Variants in LCMT1 observed in about 807,000 individuals in gnomAD.
The protein encoded by LCMT1 is leucine carboxyl methyltransferase 1, also known as [Phosphatase 2A protein]-leucine-carboxy methyltransferase 1.
In LCMT1, 32 loss-of-function variants were observed where a neutral mutation model predicts 47.7. The ratio of observed to expected loss-of-function variants is 0.67; its 90% CI spans 0.51 to 0.90. The LOEUF is 0.90. Among genes scored for constraint, LCMT1 ranks in the 40% least tolerant of loss-of-function variants. The pLI, the probability that LCMT1 is intolerant of heterozygous loss-of-function variation, is 0.00. For missense variants in LCMT1, 375 were observed against 415.2 expected, an observed-to-expected ratio of 0.90 and a Z score of 0.84; for synonymous variants, 152 against 149.7, an observed-to-expected ratio of 1.02 and a Z score of -0.11.
At position 25,123,668 on chromosome 16, in the gene LCMT1, C is replaced by T. The variant is rs189220250; in HGVS notation, c.114-4807C>T. On this transcript the variant is annotated intron_variant, in intron 1 of 10. Coordinates refer to ENST00000399069, the MANE Select transcript of LCMT1 (RefSeq NM_016309.3). ...TGTCACCCAGGCTGGAGTGCAGTGG[C>T]GCAATCTTGGCTCACCACAACCTCT... Among the ~76,000 whole-genome samples, 731 of 123,324 alleles carry T rather than the reference C, an allele frequency of 5.9e-3. 10 individuals are homozygous for T. The highest frequency in any genetic ancestry group is 0.022 in the African/African-American group (672 of 30,906). 80.9% of individuals were successfully genotyped at this position (123,324 alleles called of 152,430 possible).
intron 5 of LCMT1, among the ~76,000 whole-genome samples, chr16:25,159,105 T>C (rs1054112527): frequency 3.3e-5 from 5 of 152,246 alleles, no homozygotes; most frequent in Admixed American, 3.3e-4. Context: ...AACTACATGG[T>C]ACTAGACTTC....
intron 2 of LCMT1, among the ~76,000 whole-genome samples, chr16:25,130,111 C>T (rs897474639): frequency 3.3e-5 from 5 of 152,040 alleles, no homozygotes; most frequent in Non-Finnish European, 5.9e-5. Flanking sequence ...GAGGCCGAGG[C>T]GGGCGGACCA....
Position 25,111,828 on chromosome 16 carries a change from C to G in LCMT1, c.-56C>G, listed in dbSNP as rs556576240. 5 of 1,224,562 alleles carry G rather than the reference C, an allele frequency of 4.1e-6. No individual in the cohort carries two copies. The highest frequency in any genetic ancestry group is 3.5e-6 in the Non-Finnish European group (3 of 846,608). The allele number at this position is 1,224,562 out of a possible 1,614,324, so 75.9% of individuals were successfully genotyped here. On this transcript the variant is annotated 5_prime_UTR_variant, in exon 1 of 11. Coordinates refer to ENST00000399069, the MANE Select transcript of LCMT1 (RefSeq NM_016309.3). ...GTGGCTCGCGCCGTCCCCCGCCGCC[C>G]GTCGACCCCGCTTCCATGTCCCTGG...
At chr16:25,149,233 T>C (rs1227821454) in intron 4 of LCMT1, among the ~76,000 whole-genome samples, 1 of 152,124 alleles carries the variant, frequency 6.6e-6, no homozygotes. Flanking sequence ...AACATGAGAT[T>C]CTTTTGTGAC....
At chr16:25,132,943 G>C (rs971081131) in intron 3 of LCMT1, among the ~76,000 whole-genome samples, 1 of 149,514 alleles carries the variant, frequency 6.7e-6, no homozygotes, top group Admixed American at 6.7e-5. Context: ...TTACAGCCTC[G>C]AACTGCTGGG....
chr16:25,138,615 G>T (rs944900466), intron 3 of LCMT1, among the ~76,000 whole-genome samples: 10 of 152,152 alleles, frequency 6.6e-5, no homozygotes, highest in African/African-American at 2.4e-4. Flanking sequence ...TCCTGAGCCA[G>T]GGCCCCCATC....
In LCMT1 at chr16:25,169,231, G is replaced by A; in HGVS notation, c.792+18G>A. 6.6e-7 allele frequency: 1 copy of A among 1,515,262 alleles called. No homozygotes were observed. Among genetic ancestry groups the A allele is most frequent in the Non-Finnish European group, 9.2e-7 (1 of 1,090,442 alleles). 93.9% of individuals were successfully genotyped at this position (1,515,262 alleles called of 1,614,324 possible). A position where few individuals can be genotyped will look rare whatever the true frequency, so the allele number is the denominator to read the frequency against. On this transcript the variant is annotated intron_variant, in intron 8 of 10. Coordinates refer to ENST00000399069, the MANE Select transcript of LCMT1 (RefSeq NM_016309.3). ...AGTCACAGGTCAGAGAGCAGGGACT[G>A]GGATATCCATTTGGACCCTTAGTCA...
chr16:25,136,523 T>C (rs1960510421), intron 3 of LCMT1, among the ~76,000 whole-genome samples: 1 of 151,974 alleles, frequency 6.6e-6, no homozygotes, highest in African/African-American at 2.4e-5. Flanking sequence ...GCAGGTTTGT[T>C]ACATAGGTAC....
chr16:25,115,563 C>T (rs1959759991), intron 1 of LCMT1, among the ~76,000 whole-genome samples: 1 of 152,242 alleles, frequency 6.6e-6, no homozygotes, highest in South Asian at 2.1e-4. Context: ...TTTCCCCTTT[C>T]TTCAGACTTC....
intron 5 of LCMT1, among the ~76,000 whole-genome samples, chr16:25,159,634 T>G (rs990279932): frequency 1.3e-5 from 2 of 152,160 alleles, no homozygotes; most frequent in African/African-American, 2.4e-5. Flanking sequence ...GTTCCCTGCT[T>G]GCCCTTTATT....
In LCMT1 at chr16:25,171,853, A is replaced by C. The variant is rs1346868601; in HGVS notation, c.884+1048A>C. ...ACATATTGGGGAATATTCTTTTCCTACATAGATAGATAAATATTTATTGAT... is the reference window on the plus strand; with the variant it reads ...ACATATTGGGGAATATTCTTTTCCTCCATAGATAGATAAATATTTATTGAT... On this transcript the variant is annotated intron_variant, in intron 9 of 10. Transcript: ENST00000399069. Among the ~76,000 whole-genome samples the C allele has an allele frequency of 2.0e-5, 3 of 152,222 alleles. No homozygotes were observed. In the East Asian group the frequency reaches 5.8e-4, roughly 29 times the overall value.
In LCMT1 at chr16:25,170,913, TAAAAAAC is replaced by T. The variant is rs1428007285; in HGVS notation, c.884+119_884+125del. On this transcript the variant is annotated intron_variant, in intron 9 of 10. Transcript: ENST00000399069. ...ACAGAACAATATGTGGAGATTTCAT[TAAAAAAC>T]AAAAAACAAACAAACAAATAAAAAA... 4.7e-5 allele frequency: 36 copies of T among 759,510 alleles called. No individual in the cohort carries two copies. The East Asian group carries it at 8.7e-4, about 18-fold the overall frequency. The allele number at this position is 759,510 out of a possible 1,614,324, so 47.0% of individuals were successfully genotyped here.
intron 3 of LCMT1, among the ~76,000 whole-genome samples, chr16:25,136,622 T>C (rs1192126401): frequency 6.6e-6 from 1 of 152,082 alleles, no homozygotes; most frequent in African/African-American, 2.4e-5. Context: ...TGATCTCAGC[T>C]CACTGTAACC....
chr16:25,126,005 G>T (rs752178228), intron 1 of LCMT1: 1 of 1,349,054 alleles, frequency 7.4e-7, no homozygotes, highest in African/African-American at 1.5e-5. Flanking sequence ...CCTCCTCACT[G>T]CCCAACACTG....
chr16:25,163,728 C>T (rs1443176890), intron 6 of LCMT1, among the ~76,000 whole-genome samples: 1 of 152,118 alleles, frequency 6.6e-6, no homozygotes, highest in African/African-American at 2.4e-5. Flanking sequence ...AATCTGGGGA[C>T]CATGGATAGC....
At chr16:25,170,509 C>A (rs1961723536) in intron 8 of LCMT1, among the ~76,000 whole-genome samples, 1 of 151,930 alleles carries the variant, frequency 6.6e-6, no homozygotes, top group Admixed American at 6.6e-5. Context: ...TCACACCTCT[C>A]ATCCCAGCAC....
chr16:25,138,171 G>A (rs567386964), intron 3 of LCMT1, among the ~76,000 whole-genome samples: 2 of 152,210 alleles, frequency 1.3e-5, no homozygotes, highest in African/African-American at 2.4e-5. Flanking sequence ...AAGTGGAGAG[G>A]GGGAGAGGCT....
At chr16:25,119,234 A>C (rs1231714862) in intron 1 of LCMT1, among the ~76,000 whole-genome samples, 1 of 152,040 alleles carries the variant, frequency 6.6e-6, no homozygotes, top group Non-Finnish European at 1.5e-5. Context: ...CTTAGCTCAA[A>C]TGTGGCTCAC....
At chr16:25,155,322 G>A (rs1961221426) in intron 5 of LCMT1, among the ~76,000 whole-genome samples, 2 of 152,082 alleles carry the variant, frequency 1.3e-5, no homozygotes, top group Admixed American at 6.6e-5. Flanking sequence ...TGTAATCCCA[G>A]TGCTTCACAA....
Sources: allele counts gnomAD v4.1 joint callset (sites outside exome capture counted in the v4.1 genomes callset), GRCh38; gene constraint gnomAD v4.1.1; transcripts MANE v1.5; gene names NCBI Gene and HGNC (gene_info 2026-07-23, HGNC 2026-07-21).